Variants in GALNT15 observed in about 807,000 individuals in gnomAD.
GALNT15 encodes polypeptide N-acetylgalactosaminyltransferase 15.
Under a neutral mutation model 66.8 loss-of-function variants are expected in GALNT15, and 67 were observed. That is an observed-to-expected ratio of 1.00 (90% CI 0.82 to 1.23). The LOEUF is 1.23. GALNT15 is among the 50% of genes most tolerant of loss of function. The pLI is 0.00. For synonymous variants in GALNT15, 313 were observed against 311.5 expected, an observed-to-expected ratio of 1.00 and a Z score of -0.05; for missense variants, 827 against 804.3, an observed-to-expected ratio of 1.03 and a Z score of -0.34.
intron 8 of GALNT15, among the ~76,000 whole-genome samples, chr3:16,220,781 C>T (rs1019487060): frequency 2.6e-5 from 4 of 152,342 alleles, no homozygotes; most frequent in East Asian, 3.9e-4. Flanking sequence ...GGTCTGTGGT[C>T]CAGCCCTGCA....
At chr3:16,237,544 G>T in the GALNT15 span, among the ~76,000 whole-genome samples, 1 of 152,134 alleles carries the variant, frequency 6.6e-6, no homozygotes, top group Non-Finnish European at 1.5e-5. This position sits in a 1 kb window ranked among gnomAD's most constrained non-coding sequence, Gnocchi z 4.2. Flanking sequence ...AGCTATTATC[G>T]TCTAGTGAGC....
Position 16,188,223 on chromosome 3 carries a change from G to C in GALNT15, c.540-7537G>C, listed in dbSNP as rs183707739. Among the ~76,000 whole-genome samples the C allele has an allele frequency of 2.5e-3, 387 of 152,342 alleles. 2 individuals carry two copies. The highest frequency in any genetic ancestry group is 6.8e-3 in the Middle Eastern group (2 of 294). On this transcript the variant is annotated intron_variant, in intron 1 of 9. Transcript: ENST00000339732. This position sits in a 1 kb window ranked among gnomAD's most constrained non-coding sequence, Gnocchi z 4.6. ...AAAGAATCACAGAAGGCAAAGTGTT[G>C]CCTGTGGGTGAAGGAAGAGGAATCT...
At position 16,200,748 on chromosome 3, in the gene GALNT15, T is replaced by C; in HGVS notation, c.836T>C (p.Leu279Pro). 1 of 1,612,964 alleles carries C rather than the reference T, an allele frequency of 6.2e-7. No individual in the cohort carries two copies. ...GCCACCAGAGCCACCGGGGATGTGC[T>C]CGTCTTCATGGATGCCCACTGCGAG... Reference protein sequence around the residue: ...LGATRATGDVLVFMDAHCECH... With the variant: ...LGATRATGDVPVFMDAHCECH... Residue 279 changes from leucine (L) to proline (P), a missense_variant, in exon 3 of 10, where the codon CTC becomes CCC. Transcript: ENST00000339732. This position sits in a 1 kb window ranked among gnomAD's most constrained non-coding sequence, Gnocchi z 4.4.
downstream of GALNT15, among the ~76,000 whole-genome samples, chr3:16,230,368 A>C (rs2064070319): frequency 2.6e-5 from 4 of 152,200 alleles, no homozygotes; most frequent in Admixed American, 2.6e-4. This position sits in a 1 kb window ranked among gnomAD's most constrained non-coding sequence, Gnocchi z 4.5. Flanking sequence ...TAACAAAGAC[A>C]TGGTGGTTGA....
chr3:16,244,552 G>T, the GALNT15 span, among the ~76,000 whole-genome samples: 1 of 152,220 alleles, frequency 6.6e-6, no homozygotes. Flanking sequence ...CAAATCCAAG[G>T]TTTAAGGAAG....
downstream of GALNT15, among the ~76,000 whole-genome samples, chr3:16,233,090 G>A: frequency 2.0e-5 from 1 of 49,854 alleles, no homozygotes. Flanking sequence ...ACAGGATAAT[G>A]CATCTTTTTT....
chr3:16,202,063 A>G (rs948504348), intron 3 of GALNT15, among the ~76,000 whole-genome samples: 10 of 152,254 alleles, frequency 6.6e-5, no homozygotes, highest in African/African-American at 2.2e-4. Context: ...TCAATCAAAT[A>G]TAAGAAAAAA....
intron 3 of GALNT15, among the ~76,000 whole-genome samples, chr3:16,206,552 A>G (rs1574985509): frequency 6.6e-6 from 1 of 151,184 alleles, no homozygotes; most frequent in East Asian, 2.0e-4. Flanking sequence ...GGGCACCTGT[A>G]GTCCCAGCTA....
In GALNT15 at chr3:16,228,142, T is replaced by C. The variant is rs1019152126; in HGVS notation, c.*642T>C. The C allele has an allele frequency of 1.0e-6, 1 of 985,826 alleles. No homozygotes were observed. Among genetic ancestry groups the C allele is most frequent in the African/African-American group, 1.7e-5 (1 of 57,214 alleles). The allele number at this position is 985,826 out of a possible 1,614,324, so 61.1% of individuals were successfully genotyped here. ...GCTTCAAGAGATCTAGGAAAAGACA[T>C]TTTCATGTTAATGAGAATTTCCACC... On this transcript the variant is annotated 3_prime_UTR_variant, in exon 10 of 10. Coordinates refer to ENST00000339732, the MANE Select transcript of GALNT15 (RefSeq NM_054110.5).
At chr3:16,212,074 GGAGAGCA>G (rs1353322039) in intron 5 of GALNT15, among the ~76,000 whole-genome samples, 1 of 152,166 alleles carries the variant, frequency 6.6e-6, no homozygotes, top group Non-Finnish European at 1.5e-5. Context: ...TTTGGGAGTG[GGAGAGCA>G]GAGGGAAATT....
the GALNT15 span, among the ~76,000 whole-genome samples, chr3:16,244,787 C>T: frequency 2.6e-5 from 4 of 152,176 alleles, no homozygotes; most frequent in Non-Finnish European, 4.4e-5. Context: ...GAGACAACCT[C>T]GTCTGTGCCA....
Position 16,225,216 on chromosome 3 carries a change from C to T in GALNT15, c.1774-2138C>T, listed in dbSNP as rs577307913. 4.6e-5 allele frequency among the ~76,000 whole-genome samples: 7 copies of T among 152,218 alleles called. No individual in the cohort carries two copies. The highest frequency in any genetic ancestry group is 1.4e-4 in the African/African-American group (6 of 41,514). ...AGAACTCGCTATCAAGAAGACAGCA[C>T]GAAGCCATGAGGGATCTGTCCCCAT... On this transcript the variant is annotated intron_variant, in intron 9 of 9. Transcript: ENST00000339732. This position sits in a 1 kb window ranked among gnomAD's most constrained non-coding sequence, Gnocchi z 4.4.
intron 1 of GALNT15, among the ~76,000 whole-genome samples, chr3:16,185,920 C>A (rs376922776): frequency 1.3e-5 from 2 of 152,100 alleles, no homozygotes; most frequent in Non-Finnish European, 2.9e-5. Context: ...TGCTGTATAA[C>A]GCACCTTATC....
In GALNT15 at chr3:16,191,008, G is replaced by A. The variant is rs1243791454; in HGVS notation, c.540-4752G>A. On this transcript the variant is annotated intron_variant, in intron 1 of 9. Transcript: ENST00000339732. This position sits in a 1 kb window ranked among gnomAD's most constrained non-coding sequence, Gnocchi z 5.2. ...GGAGACCTGCCTCCACAGCTTGGCG[G>A]GGCATCCCCCATAGCCTTGTAATGG... Among the ~76,000 whole-genome samples the A allele has an allele frequency of 6.6e-6, 1 of 152,196 alleles. No homozygotes were observed. The highest frequency in any genetic ancestry group is 1.5e-5 in the Non-Finnish European group (1 of 68,034).
At position 16,203,543 on chromosome 3, in the gene GALNT15, TCACACACACACACACACACA is replaced by T. The variant is rs1164976010; in HGVS notation, c.911+2747_911+2766del. On this transcript the variant is annotated intron_variant, in intron 3 of 9. Transcript: ENST00000339732. The surrounding 1 kb of genome is among the most constrained non-coding windows in gnomAD (Gnocchi z 6.2). Reference sequence around the variant, plus strand: ...CATTCTCTCTCTCTCTCTCTCTCTCTCACACACACACACACACACACACACACACACACACACACACACAC... The same window carrying T: ...CATTCTCTCTCTCTCTCTCTCTCTCTCACACACACACACACACACACACAC... Among the ~76,000 whole-genome samples, 1 of 61,106 alleles carries T rather than the reference TCACACACACACACACACACA, an allele frequency of 1.6e-5. No individual in the cohort carries two copies. The highest frequency in any genetic ancestry group is 5.5e-5 in the African/African-American group (1 of 18,252). The allele number at this position is 61,106 out of a possible 152,430, so 40.1% of individuals were successfully genotyped here. A position where few individuals can be genotyped will look rare whatever the true frequency, so the allele number is the denominator to read the frequency against.
chr3:16,227,646 A>AGGAAGTT lies in GALNT15; in HGVS notation c.*147_*153dup, dbSNP rs531217557. The AGGAAGTT allele has an allele frequency of 5.3e-4, 785 of 1,480,748 alleles. 13 individuals carry two copies. The South Asian group carries it at 1.0e-2, about 19-fold the overall frequency. The allele number at this position is 1,480,748 out of a possible 1,614,324, so 91.7% of individuals were successfully genotyped here. Reference sequence around the variant, plus strand: ...AGAAAAAAGCTCTATGAAAGAATATAGGAAGTTTCTCCTTTTCACACCTTA... The same window carrying AGGAAGTT: ...AGAAAAAAGCTCTATGAAAGAATATAGGAAGTTGGAAGTTTCTCCTTTTCACACCTTA... On this transcript the variant is annotated 3_prime_UTR_variant, in exon 10 of 10. Transcript: ENST00000339732. This position sits in a 1 kb window ranked among gnomAD's most constrained non-coding sequence, Gnocchi z 4.5.
rs868092201 is a variant in GALNT15, at chr3:16,175,131, C to A, written c.-21C>A. The stretch of plus-strand genomic sequence containing the variant: ...AAGCTAACTTGAACATGACCTGTTG[C>A]ATTTGGCAAGTTCTAGCAACATGCT... On this transcript the variant is annotated 5_prime_UTR_variant, in exon 1 of 10. An upstream open reading frame in the 5' UTR gains an earlier in-frame stop. Coordinates refer to ENST00000339732, the MANE Select transcript of GALNT15 (RefSeq NM_054110.5). The surrounding 1 kb of genome is among the most constrained non-coding windows in gnomAD (Gnocchi z 5.6). 1 of 1,594,296 alleles carries A rather than the reference C, an allele frequency of 6.3e-7. No homozygotes were observed. The highest frequency in any genetic ancestry group is 1.1e-5 in the South Asian group (1 of 89,242).
rs1219207722 is a variant in GALNT15, at chr3:16,193,411, A to AT, written c.540-2342dup. ...CATTTTAAGTATTTGTATTGTGTGT[A>AT]TTTTTTTGTGAGTGGCTTCAAATCA... On this transcript the variant is annotated intron_variant, in intron 1 of 9. Coordinates refer to ENST00000339732, the MANE Select transcript of GALNT15 (RefSeq NM_054110.5). This position sits in a 1 kb window ranked among gnomAD's most constrained non-coding sequence, Gnocchi z 4.7. Among the ~76,000 whole-genome samples the AT allele has an allele frequency of 1.3e-5, 2 of 152,020 alleles. No individual in the cohort carries two copies. The highest frequency in any genetic ancestry group is 2.9e-5 in the Non-Finnish European group (2 of 67,972).
Position 16,175,052 on chromosome 3 carries a change from T to A in GALNT15, c.-100T>A. 2 of 1,182,166 alleles carry A rather than the reference T, an allele frequency of 1.7e-6. No individual in the cohort carries two copies. Among genetic ancestry groups the A allele is most frequent in the East Asian group, 4.8e-5 (2 of 41,472 alleles). 73.2% of individuals were successfully genotyped at this position (1,182,166 alleles called of 1,614,324 possible). A position where few individuals can be genotyped will look rare whatever the true frequency, so the allele number is the denominator to read the frequency against. On this transcript the variant is annotated 5_prime_UTR_variant, in exon 1 of 10. Transcript: ENST00000339732. The surrounding 1 kb of genome is among the most constrained non-coding windows in gnomAD (Gnocchi z 5.6). ...AGTGACTGGCAGAAAAACTTCCAGGTGGAACAAGCAACCCAGGTTCTGCTG... is the reference window on the plus strand; with the variant it reads ...AGTGACTGGCAGAAAAACTTCCAGGAGGAACAAGCAACCCAGGTTCTGCTG...
Sources: gnomAD v4.1 joint callset for allele counts (sites outside exome capture counted in the v4.1 genomes callset) on GRCh38, gnomAD v4.1.1 for gene constraint, Gnocchi (gnomAD v3.1) non-coding constraint, MANE v1.5 for transcripts, NCBI Gene and HGNC (gene_info 2026-07-23, HGNC 2026-07-21) for gene names.